The following GRM7 variants were observed in gnomAD, a reference collection of about 807,000 sequenced individuals.
The protein encoded by GRM7 is glutamate metabotropic receptor 7.
In GRM7, 35 loss-of-function variants were observed where a neutral mutation model predicts 84.5. The observed-to-expected ratio is 0.41, with a 90% confidence interval of 0.32 to 0.55. The LOEUF (loss-of-function observed/expected upper bound fraction) is 0.55. Ranked by LOEUF, GRM7 falls within the 20% of genes least tolerant of loss-of-function variation. The probability of loss-of-function intolerance (pLI) is 0.19; values close to 1 mark genes in which losing one functional copy is unlikely to be tolerated. For missense variants in GRM7, 1,003 were observed against 1,194.6 expected, an observed-to-expected ratio of 0.84 and a Z score of 2.36; for synonymous variants, 487 against 455.1, an observed-to-expected ratio of 1.07 and a Z score of -0.89.
rs1443784070 is a variant in GRM7 at position 6,862,472 on chromosome 3, G to A, written c.519+565G>A. 6.6e-6 allele frequency among the ~76,000 whole-genome samples: 1 copy of A among 152,144 alleles called. No individual in the cohort carries two copies. Among genetic ancestry groups the A allele is most frequent in the Non-Finnish European group, 1.5e-5 (1 of 68,032 alleles). On this transcript the variant is annotated intron_variant, in intron 1 of 9. Transcript: ENST00000357716. The surrounding 1 kb of genome is among the most constrained non-coding windows in gnomAD (Gnocchi z 5.2). ...CGCATCTCCCTCGGGCTGATTTCCC[G>A]ACCTGTAGCCAGCCTCCGCGAGAGC...
chr3:7,610,757 A>AG (rs1162433324), intron 8 of GRM7, among the ~76,000 whole-genome samples: 1 of 152,176 alleles, frequency 6.6e-6, no homozygotes, highest in Admixed American at 6.5e-5. Flanking sequence ...ATAGTACCCA[A>AG]GGCCACATGT....
At chr3:7,013,679 A>C (rs1012908288) in intron 1 of GRM7, among the ~76,000 whole-genome samples, 3 of 152,106 alleles carry the variant, frequency 2.0e-5, no homozygotes, top group Admixed American at 1.3e-4. Flanking sequence ...CAGTCCCAGC[A>C]ACTCAGGAGG....
intron 9 of GRM7, among the ~76,000 whole-genome samples, chr3:7,693,416 C>G (rs926759635): frequency 6.6e-6 from 1 of 152,026 alleles, no homozygotes; most frequent in East Asian, 1.9e-4. Context: ...ATAGCAAAGC[C>G]CTATAAAGAA....
chr3:7,245,800 A>G (rs1427717457), intron 2 of GRM7, among the ~76,000 whole-genome samples: 1 of 152,104 alleles, frequency 6.6e-6, no homozygotes, highest in Non-Finnish European at 1.5e-5. Context: ...TTCTATTCTT[A>G]TACTATTTAA....
intron 1 of GRM7, among the ~76,000 whole-genome samples, chr3:7,022,082 C>T (rs1695796884): frequency 6.6e-6 from 1 of 152,098 alleles, no homozygotes; most frequent in Admixed American, 6.6e-5. Context: ...AATCCCAGCA[C>T]TTTGGGAGCT....
intron 8 of GRM7, among the ~76,000 whole-genome samples, chr3:7,674,683 T>C (rs1700058057): frequency 6.6e-6 from 1 of 152,198 alleles, no homozygotes; most frequent in Non-Finnish European, 1.5e-5. Flanking sequence ...CACCATGTTG[T>C]GCAACAGATG....
intron 1 of GRM7, among the ~76,000 whole-genome samples, chr3:7,042,644 AT>A (rs1466537769): frequency 1.3e-5 from 2 of 150,446 alleles, no homozygotes; most frequent in Non-Finnish European, 2.9e-5. Context: ...TTTCTTTGGC[AT>A]TTTAGTTTTG....
intron 8 of GRM7, among the ~76,000 whole-genome samples, chr3:7,679,806 A>T (rs1700288456): frequency 6.6e-6 from 1 of 152,194 alleles, no homozygotes; most frequent in African/African-American, 2.4e-5. Flanking sequence ...TCTGAACTTT[A>T]ATATAAGAGA....
At chr3:6,994,028 T>G (rs1362564916) in intron 1 of GRM7, among the ~76,000 whole-genome samples, 2 of 152,154 alleles carry the variant, frequency 1.3e-5, no homozygotes, top group African/African-American at 4.8e-5. Flanking sequence ...AAACGATAAT[T>G]GATTTATTAG....
At chr3:7,521,175 G>A (rs1324176251) in intron 7 of GRM7, among the ~76,000 whole-genome samples, 1 of 152,170 alleles carries the variant, frequency 6.6e-6, no homozygotes, top group East Asian at 1.9e-4. Flanking sequence ...TCACTGGGTG[G>A]TGGAACCTGA....
intron 1 of GRM7, among the ~76,000 whole-genome samples, chr3:6,890,303 A>T (rs1695881526): frequency 6.6e-6 from 1 of 151,878 alleles, no homozygotes; most frequent in South Asian, 2.1e-4. Flanking sequence ...TTGCTTTTCT[A>T]GTTCTTGTAA....
At chr3:7,464,455 C>G (rs991439142) in intron 7 of GRM7, among the ~76,000 whole-genome samples, 3 of 152,042 alleles carry the variant, frequency 2.0e-5, no homozygotes, top group African/African-American at 7.3e-5. Context: ...ATGTAAACAA[C>G]CTATAAATGG....
At chr3:7,627,310 ATG>A (rs1697658335) in intron 8 of GRM7, among the ~76,000 whole-genome samples, 1 of 152,208 alleles carries the variant, frequency 6.6e-6, no homozygotes, top group Admixed American at 6.5e-5. Flanking sequence ...AATCTCAAAA[ATG>A]TTACCTGGAG....
At chr3:7,437,120 T>A (rs1697090101) in intron 5 of GRM7, among the ~76,000 whole-genome samples, 1 of 152,238 alleles carries the variant, frequency 6.6e-6, no homozygotes, top group African/African-American at 2.4e-5. Context: ...ACACAGCTGA[T>A]AAGTGGCAGA....
At chr3:7,729,819 C>T (rs1249727254) in intron 9 of GRM7, among the ~76,000 whole-genome samples, 3 of 147,602 alleles carry the variant, frequency 2.0e-5, no homozygotes, top group Non-Finnish European at 3.0e-5. Flanking sequence ...GATTCTCCTG[C>T]GTCAGCCTCC....
intron 9 of GRM7, among the ~76,000 whole-genome samples, chr3:7,707,049 T>G (rs9860560): frequency 0.43 from 65,516 of 151,980 alleles, 14,287 homozygotes; most frequent in East Asian, 0.68. Flanking sequence ...AATACTGCAT[T>G]GAAATGAGAG....
At chr3:7,225,077 T>G (rs781121411) in intron 2 of GRM7, among the ~76,000 whole-genome samples, 1 of 152,154 alleles carries the variant, frequency 6.6e-6, no homozygotes, top group Non-Finnish European at 1.5e-5. Context: ...CCTTGCTGAC[T>G]CCATTTTGAT....
At chr3:7,724,887 C>T (rs1194030322) in intron 9 of GRM7, among the ~76,000 whole-genome samples, 1 of 152,188 alleles carries the variant, frequency 6.6e-6, no homozygotes, top group African/African-American at 2.4e-5. Flanking sequence ...CTCAGCTTCC[C>T]CAAGTAGCTG....
intron 1 of GRM7, among the ~76,000 whole-genome samples, chr3:7,097,524 T>C (rs1194654891): frequency 6.6e-6 from 1 of 152,102 alleles, no homozygotes; most frequent in Non-Finnish European, 1.5e-5. Context: ...AACTTGAAGA[T>C]GGCATTGAAC....
Sources: gnomAD v4.1 joint callset for allele counts (sites outside exome capture counted in the v4.1 genomes callset) on GRCh38, gnomAD v4.1.1 for gene constraint, Gnocchi (gnomAD v3.1) non-coding constraint, MANE v1.5 for transcripts, NCBI Gene and HGNC (gene_info 2026-07-23, HGNC 2026-07-21) for gene names.